FRMD4A: variants seen among roughly 807,000 people sequenced by gnomAD.
FRMD4A encodes the protein FERM domain containing 4A.
In FRMD4A, 29 loss-of-function variants were observed where a neutral mutation model predicts 129.1. The observed-to-expected ratio is 0.22, with a 90% CI of 0.17 to 0.31. FRMD4A has a LOEUF of 0.31. Among genes scored for constraint, FRMD4A ranks in the 10% least tolerant of loss-of-function variants. The pLI, the probability that FRMD4A is intolerant of heterozygous loss-of-function variation, is 1.00. For synonymous variants in FRMD4A, 634 were observed against 571.6 expected, an observed-to-expected ratio of 1.11 and a Z score of -1.56; for missense variants, 1,272 against 1,375.8, an observed-to-expected ratio of 0.92 and a Z score of 1.19.
At chr10:13,884,198 A>ACACACACT (rs2094588863) in intron 2 of FRMD4A, among the ~76,000 whole-genome samples, 2 of 65,142 alleles carry the variant, frequency 3.1e-5, no homozygotes, top group African/African-American at 6.2e-5. Context: ...ACACACACTC[A>ACACACACT]CACACACACT....
chr10:13,884,216 A>ACG (rs1554956601), intron 2 of FRMD4A, among the ~76,000 whole-genome samples: 3 of 125,644 alleles, frequency 2.4e-5, no homozygotes, highest in African/African-American at 5.5e-5. Context: ...ACTCACACAC[A>ACG]CACACACACA....
At chr10:14,324,938 G>A (rs1843210546) in intron 2 of FRMD4A, among the ~76,000 whole-genome samples, 1 of 152,194 alleles carries the variant, frequency 6.6e-6, no homozygotes, top group Non-Finnish European at 1.5e-5. Flanking sequence ...TGGGATTACA[G>A]GCATGAGCCA....
At chr10:14,008,039 A>C in intron 2 of FRMD4A, 1 of 1,298,816 alleles carries the variant, frequency 7.7e-7, no homozygotes, top group South Asian at 1.2e-5. Flanking sequence ...TGAGAAGCAA[A>C]CAACCCGCCA....
intron 2 of FRMD4A, among the ~76,000 whole-genome samples, chr10:14,001,215 T>C (rs543101499): frequency 1.6e-4 from 24 of 152,322 alleles, no homozygotes; most frequent in African/African-American, 5.8e-4. Context: ...TCCCCAGAGA[T>C]TCTGATGTAC....
intron 3 of FRMD4A, among the ~76,000 whole-genome samples, chr10:13,827,828 G>A (rs1588925412): frequency 1.3e-5 from 2 of 152,214 alleles, no homozygotes; most frequent in African/African-American, 4.8e-5. Context: ...GGGAGAGGAG[G>A]AGGGAGAAGG....
At chr10:13,957,802 G>T (rs527586169) in intron 2 of FRMD4A, among the ~76,000 whole-genome samples, 1 of 151,864 alleles carries the variant, frequency 6.6e-6, no homozygotes, top group African/African-American at 2.4e-5. Context: ...TATCTTTCTG[G>T]CCCCTAAAAC....
intron 2 of FRMD4A, among the ~76,000 whole-genome samples, chr10:14,070,306 A>C (rs750673014): frequency 2.9e-4 from 44 of 152,152 alleles, no homozygotes; most frequent in Non-Finnish European, 6.3e-4. Context: ...TGGGAGATAA[A>C]CTCTCACAAA....
chr10:14,145,946 C>G (rs1325715290), intron 2 of FRMD4A, among the ~76,000 whole-genome samples: 1 of 152,222 alleles, frequency 6.6e-6, no homozygotes, highest in Non-Finnish European at 1.5e-5. Context: ...ATCACAGGCA[C>G]TTGAAGGCAG....
At position 14,022,643 on chromosome 10, in the gene FRMD4A, T is replaced by C. The variant is rs1237315963; in HGVS notation, c.46-163731A>G. 2.0e-5 allele frequency among the ~76,000 whole-genome samples: 3 copies of C among 151,998 alleles called. No homozygotes were observed. In the East Asian group the frequency reaches 5.8e-4, roughly 29 times the overall value. On this transcript the variant is annotated intron_variant, in intron 2 of 24. Transcript: ENST00000357447. Reference sequence around the variant, plus strand: ...TGTGGGGAGGTTGGGCTAGAGATGATAATGGATGGAAGAACTGGAGAAGTG... The same window carrying C: ...TGTGGGGAGGTTGGGCTAGAGATGACAATGGATGGAAGAACTGGAGAAGTG...
chr10:14,228,746 A>T (rs1843534582), intron 2 of FRMD4A, among the ~76,000 whole-genome samples: 1 of 152,068 alleles, frequency 6.6e-6, no homozygotes, highest in African/African-American at 2.4e-5. Flanking sequence ...CACATCACTA[A>T]TTTCTATTTG....
intron 2 of FRMD4A, among the ~76,000 whole-genome samples, chr10:14,169,612 T>G (rs1331377995): frequency 6.6e-6 from 1 of 152,226 alleles, no homozygotes; most frequent in Non-Finnish European, 1.5e-5. Context: ...TGTCTCCTCC[T>G]GTATTTGGGG....
chr10:14,121,254 G>A (rs1479507605), intron 2 of FRMD4A, among the ~76,000 whole-genome samples: 1 of 152,220 alleles, frequency 6.6e-6, no homozygotes. Context: ...TGTAGTCCCA[G>A]CTACTTGGAA....
intron 2 of FRMD4A, among the ~76,000 whole-genome samples, chr10:14,146,193 C>T (rs1472977574): frequency 2.6e-5 from 4 of 152,122 alleles, no homozygotes; most frequent in African/African-American, 7.2e-5. Flanking sequence ...AAAGGTGGCT[C>T]ATAGTAAGTT....
chr10:14,099,453 G>A (rs1462710703), intron 2 of FRMD4A, among the ~76,000 whole-genome samples: 4 of 152,152 alleles, frequency 2.6e-5, no homozygotes, highest in Admixed American at 6.5e-5. Context: ...GCCATCCCTC[G>A]GGGTATGGAG....
At chr10:13,659,653 AG>A (rs1175897415) in intron 20 of FRMD4A, among the ~76,000 whole-genome samples, 163 bp from the exon 21 acceptor site, 1 of 152,084 alleles carries the variant, frequency 6.6e-6, no homozygotes, top group Non-Finnish European at 1.5e-5. Context: ...TTTCCCCAGC[AG>A]GGGGTATGCC....
chr10:14,039,887 A>C (rs1029190402), intron 2 of FRMD4A, among the ~76,000 whole-genome samples: 1 of 152,128 alleles, frequency 6.6e-6, no homozygotes, highest in Non-Finnish European at 1.5e-5. Context: ...TGGCAAAATA[A>C]ATTTCCTAAA....
intron 2 of FRMD4A, among the ~76,000 whole-genome samples, chr10:13,917,391 G>A (rs2095022267): frequency 6.6e-6 from 1 of 150,766 alleles, no homozygotes; most frequent in Non-Finnish European, 1.5e-5. Context: ...CTGGGTTCAC[G>A]TGATTCTCCT....
At chr10:14,248,917 G>C (rs1844337890) in intron 2 of FRMD4A, among the ~76,000 whole-genome samples, 1 of 152,186 alleles carries the variant, frequency 6.6e-6, no homozygotes, top group South Asian at 2.1e-4. Flanking sequence ...CCCAAGGTTT[G>C]AAACAATTGG....
intron 2 of FRMD4A, among the ~76,000 whole-genome samples, chr10:14,178,922 G>A (rs945869307): frequency 6.6e-6 from 1 of 152,152 alleles, no homozygotes; most frequent in African/African-American, 2.4e-5. Context: ...CTCACCTATA[G>A]AGGAAAACTC....
Sources: gnomAD v4.1 joint callset for allele counts (sites outside exome capture counted in the v4.1 genomes callset) on GRCh38, gnomAD v4.1.1 for gene constraint, MANE v1.5 for transcripts, NCBI Gene and HGNC (gene_info 2026-07-23, HGNC 2026-07-21) for gene names.